Variants in KIF1B observed in about 807,000 individuals in gnomAD.
The protein encoded by KIF1B is kinesin family member 1B, also known as kinesin-like protein KIF1B.
A neutral mutation model predicts 241.9 loss-of-function variants in KIF1B; 76 were observed. The observed-to-expected ratio is 0.31, with a 90% CI of 0.26 to 0.38. The LOEUF (loss-of-function observed/expected upper bound fraction) is 0.38. Among genes scored for constraint, KIF1B ranks in the 10% least tolerant of loss-of-function variants. The pLI, the probability that KIF1B is intolerant of heterozygous loss-of-function variation, is 1.00. For synonymous variants in KIF1B, 750 were observed against 796.7 expected, an observed-to-expected ratio of 0.94 and a Z score of 0.99; for missense variants, 1,622 against 2,271.4, an observed-to-expected ratio of 0.71 and a Z score of 5.81.
chr1:10,360,973 A>C lies in KIF1B; in HGVS notation c.4100A>C (p.Asn1367Thr). The change falls in exon 39 of 49, where the codon AAC (asparagine) becomes ACC (threonine). Residue 1367 changes from asparagine (N) to threonine (T), a missense_variant. By Grantham distance (65) the Asn-to-Thr change is moderately conservative. Transcript: ENST00000676179. The part of the protein sequence containing the change: ...FEAVWDSSLH[N>T]SLLLNRVTPY... ...GCTGTGTGGGATAGCTCTCTGCATA[A>C]CTCCCTTCTTCTGAACCGAGTGACA... 1 of 1,613,958 alleles carries C rather than the reference A, an allele frequency of 6.2e-7. No individual in the cohort carries two copies. Among genetic ancestry groups the C allele is most frequent in the Non-Finnish European group, 8.5e-7 (1 of 1,179,972 alleles).
chr1:10,301,863 G>A (rs906286766), intron 22 of KIF1B, among the ~76,000 whole-genome samples: 10 of 152,202 alleles, frequency 6.6e-5, no homozygotes, highest in African/African-American at 1.4e-4. Flanking sequence ...TTAGTTAAGA[G>A]CGATTGCTTA....
intron 25 of KIF1B, among the ~76,000 whole-genome samples, chr1:10,324,331 T>C (rs530817402): frequency 1.3e-5 from 2 of 152,200 alleles, no homozygotes; most frequent in Non-Finnish European, 2.9e-5. Context: ...AGTTTCATCA[T>C]ATTTCTGTTA....
intron 22 of KIF1B, among the ~76,000 whole-genome samples, chr1:10,297,733 T>C (rs1465527813): frequency 3.9e-5 from 6 of 151,924 alleles, no homozygotes; most frequent in Non-Finnish European, 8.8e-5. Flanking sequence ...TGTCTAAAAG[T>C]GTTGCTGCAC....
intron 43 of KIF1B, among the ~76,000 whole-genome samples, chr1:10,367,373 G>A (rs1477764347): frequency 6.6e-6 from 1 of 151,870 alleles, no homozygotes; most frequent in Non-Finnish European, 1.5e-5. Flanking sequence ...TAGGATTACA[G>A]GTGTGTGGAC....
At chr1:10,249,550 G>A (rs2102167288) in intron 2 of KIF1B, among the ~76,000 whole-genome samples, 1 of 152,318 alleles carries the variant, frequency 6.6e-6, no homozygotes, top group East Asian at 1.9e-4. Flanking sequence ...GGGAGCATCA[G>A]AGATTTGTTG....
At chr1:10,256,398 T>G (rs749621026) in intron 3 of KIF1B, 75 bp downstream of exon 3, 13 of 1,018,970 alleles carry the variant, frequency 1.3e-5, no homozygotes, top group Non-Finnish European at 2.0e-5. Flanking sequence ...TCTTTTCTCT[T>G]AGCTGAGCAG....
At position 10,368,524 on chromosome 1, in the gene KIF1B, G is replaced by A. The variant is rs769092155; in HGVS notation, c.4810G>A (p.Val1604Ile). 6.8e-5 allele frequency: 109 copies of A among 1,613,662 alleles called. No individual in the cohort carries two copies. Among genetic ancestry groups the A allele is most frequent in the African/African-American group, 9.3e-5 (7 of 74,890 alleles). Reference sequence around the variant, plus strand: ...AGAATTCAGCCAGGTGCACGGCAGCGTCAGTGACTGTAAGGTGAGCACATT... The same window carrying A: ...AGAATTCAGCCAGGTGCACGGCAGCATCAGTGACTGTAAGGTGAGCACATT... Reference protein sequence around the residue: ...NREFSQVHGSVSDCKLSDISP... With the variant: ...NREFSQVHGSISDCKLSDISP... Residue 1604 changes from valine (V) to isoleucine (I), a missense_variant, in exon 44 of 49, where the codon GTC (valine) becomes ATC (isoleucine). Physicochemically the swap from Val to Ile is conservative, Grantham distance 29 (BLOSUM62 3). Around this residue, in one of 7 missense-constraint regions of KIF1B, gnomAD observed 357 missense variants for 409.0 expected, o/e 0.87. Transcript: ENST00000676179.
At position 10,365,055 on chromosome 1, in the gene KIF1B, T is replaced by C. The variant is rs1251692534; in HGVS notation, c.4367-45T>C. ...AATTCGTTTTGACCTAAACTTGGAA[T>C]TGAATTTTTTTTCTGAAACAAAAAC... is the stretch of plus-strand genomic sequence containing the variant. On this transcript the variant is annotated intron_variant, in intron 41 of 48. Transcript: ENST00000676179. This position sits in a 1 kb window ranked among gnomAD's most constrained non-coding sequence, Gnocchi z 4.0. 4 of 1,535,194 alleles carry C rather than the reference T, an allele frequency of 2.6e-6. No homozygotes were observed. The African/African-American group carries it at 5.4e-5, about 21-fold the overall frequency.
chr1:10,228,933 T>A (rs1192639443), intron 1 of KIF1B, among the ~76,000 whole-genome samples: 2 of 152,168 alleles, frequency 1.3e-5, no homozygotes, highest in African/African-American at 4.8e-5. Context: ...TATCGGGGCC[T>A]GGGAGAATAC....
At chr1:10,306,054 G>A (rs1324227376) in intron 22 of KIF1B, 3 of 1,047,112 alleles carry the variant, frequency 2.9e-6, no homozygotes, top group Non-Finnish European at 3.5e-6. Flanking sequence ...TTGCGTGTGG[G>A]CACTATGCTT....
chr1:10,273,626 G>T (rs917909953), intron 10 of KIF1B, among the ~76,000 whole-genome samples: 1 of 147,238 alleles, frequency 6.8e-6, no homozygotes, highest in Non-Finnish European at 1.5e-5. Context: ...GGGTAGAGTG[G>T]AATGAGATGA....
At chr1:10,244,315 C>CTTTTTTTTTTTTTTT (rs571243520) in intron 2 of KIF1B, among the ~76,000 whole-genome samples, 3 of 127,532 alleles carry the variant, frequency 2.4e-5, no homozygotes, top group South Asian at 2.5e-4. Flanking sequence ...TTTTTCTTTT[C>CTTTTTTTTTTTTTTT]TTTTTTTTTT....
In KIF1B at chr1:10,351,795, G is replaced by A. The variant is rs149316610; in HGVS notation, c.3950-836G>A. On this transcript the variant is annotated intron_variant, in intron 37 of 48. Transcript: ENST00000676179. The stretch of plus-strand genomic sequence containing the variant: ...AGCCTGAGCGACATAGTGGGGCCCC[G>A]TCTCTACAAAAAAATAAAATAAAAT... Among the ~76,000 whole-genome samples the A allele has an allele frequency of 7.1e-4, 108 of 152,016 alleles. No homozygotes were observed. In the East Asian group the frequency reaches 0.016, roughly 23 times the overall value.
intron 2 of KIF1B, among the ~76,000 whole-genome samples, chr1:10,255,238 C>T (rs942010559): frequency 1.3e-5 from 2 of 152,076 alleles, no homozygotes; most frequent in East Asian, 1.9e-4. Flanking sequence ...TGGGAGCCAC[C>T]GCGCCCAGCT....
rs751429277 is a variant in KIF1B at position 10,296,877 on chromosome 1, A to G, written c.1862-20A>G. The G allele has an allele frequency of 8.7e-6, 14 of 1,610,288 alleles. No individual in the cohort carries two copies. Among genetic ancestry groups the G allele is most frequent in the African/African-American group, 1.3e-5 (1 of 74,790 alleles). On this transcript the variant is annotated intron_variant, in intron 20 of 48. Coordinates refer to ENST00000676179, the MANE Select transcript of KIF1B (RefSeq NM_001365951.3). ...ATTAAAAAAATTATTTCTTAACCCT[A>G]TTTTTCTGTTTTGTGCTAGGAAACC...
chr1:10,311,310 G>A (rs1651054946), intron 22 of KIF1B, among the ~76,000 whole-genome samples: 2 of 150,676 alleles, frequency 1.3e-5, no homozygotes, highest in African/African-American at 5.0e-5. Flanking sequence ...TACCTTCCGG[G>A]TTCAAGTAAT....
intron 15 of KIF1B, among the ~76,000 whole-genome samples, chr1:10,283,541 T>C (rs554446384): frequency 6.6e-6 from 1 of 152,358 alleles, no homozygotes; most frequent in East Asian, 1.9e-4. Context: ...CATAGCTGCT[T>C]CTCTTCCTCC....
At chr1:10,273,191 C>T (rs1485477326) in intron 10 of KIF1B, among the ~76,000 whole-genome samples, 160 bp downstream of exon 10, 2 of 152,068 alleles carry the variant, frequency 1.3e-5, no homozygotes, top group Non-Finnish European at 1.5e-5. Flanking sequence ...TTAGGGTGAC[C>T]ACAAATCATG....
intron 4 of KIF1B, 65 bp downstream of exon 4, chr1:10,258,737 C>T (rs1647941650): frequency 6.6e-7 from 1 of 1,509,578 alleles, no homozygotes; most frequent in Admixed American, 1.7e-5. Context: ...ATTGCTTTAA[C>T]AGTTATTTTT....
Sources: gnomAD v4.1 joint callset for allele counts (sites outside exome capture counted in the v4.1 genomes callset) on GRCh38, gnomAD v4.1.1 for gene constraint, gnomAD v4.1.1 regional missense constraint, Gnocchi (gnomAD v3.1) non-coding constraint, MANE v1.5 for transcripts, NCBI Gene and HGNC (gene_info 2026-07-23, HGNC 2026-07-21) for gene names.